Variants in PAK1 observed in about 807,000 individuals in gnomAD.
The protein encoded by PAK1 is p21 (RAC1) activated kinase 1, also known as serine/threonine-protein kinase PAK 1.
A neutral mutation model predicts 67.4 loss-of-function variants in PAK1; 29 were observed. The observed-to-expected ratio is 0.43, with a 90% CI of 0.32 to 0.59. PAK1 has a LOEUF of 0.59. Among genes scored for constraint, PAK1 ranks in the 20% least tolerant of loss-of-function variants. The pLI, the probability that PAK1 is intolerant of heterozygous loss-of-function variation, is 0.07. For synonymous variants in PAK1, 223 were observed against 237.4 expected, an observed-to-expected ratio of 0.94 and a Z score of 0.56; for missense variants, 337 against 670.7, an observed-to-expected ratio of 0.50 and a Z score of 5.50.
chr11:77,384,355 GTA>G (rs1950198099), intron 2 of PAK1, among the ~76,000 whole-genome samples: 1 of 152,168 alleles, frequency 6.6e-6, no homozygotes, highest in African/African-American at 2.4e-5. Flanking sequence ...CAGGGATATA[GTA>G]TCCCTGGGAC....
chr11:77,395,628 G>A (rs1176722261), intron 1 of PAK1, among the ~76,000 whole-genome samples: 1 of 151,756 alleles, frequency 6.6e-6, no homozygotes, highest in Non-Finnish European at 1.5e-5. Context: ...ACACCCCAAC[G>A]TGTTTCCTGT....
At chr11:77,486,756 G>T in the PAK1 span, among the ~76,000 whole-genome samples, 2 of 152,350 alleles carry the variant, frequency 1.3e-5, no homozygotes, top group East Asian at 3.9e-4. Context: ...ATTTAGACCA[G>T]CCCTATCTGG....
intron 8 of PAK1, among the ~76,000 whole-genome samples, chr11:77,351,060 T>C (rs187213941): frequency 1.9e-4 from 29 of 152,248 alleles, no homozygotes; most frequent in African/African-American, 7.0e-4. Flanking sequence ...ACATATGAAT[T>C]CCAAGTCCAA....
At position 77,337,281 on chromosome 11, in the gene PAK1, C is replaced by T. The variant is rs186177227; in HGVS notation, c.1216+43G>A. ...TGACCATCTCACAGGAGACAGGGCC[C>T]CACAGGCAGAGAAGTATTATCATTC... On this transcript the variant is annotated intron_variant, in intron 12 of 14. Coordinates refer to ENST00000356341, the MANE Select transcript of PAK1 (RefSeq NM_002576.5). 1.2e-3 allele frequency: 1,221 copies of T among 1,006,174 alleles called. 1 individual carries two copies. Among genetic ancestry groups the T allele is most frequent in the Admixed American group, 1.6e-3 (83 of 52,012 alleles). 62.3% of individuals were successfully genotyped at this position (1,006,174 alleles called of 1,614,324 possible). A position where few individuals can be genotyped will look rare whatever the true frequency, so the allele number is the denominator to read the frequency against.
the PAK1 span, among the ~76,000 whole-genome samples, chr11:77,482,201 C>T: frequency 6.6e-6 from 1 of 151,888 alleles, no homozygotes; most frequent in Admixed American, 6.6e-5. Context: ...ATTGGTCAGG[C>T]TGGTCTCGAA....
intron 1 of PAK1, among the ~76,000 whole-genome samples, chr11:77,454,181 T>C (rs1326796934): frequency 6.6e-6 from 1 of 152,206 alleles, no homozygotes; most frequent in Non-Finnish European, 1.5e-5. Context: ...CTTCCACATA[T>C]ATTTGTCCAT....
chr11:77,427,981 G>T (rs1447766106), intron 1 of PAK1, among the ~76,000 whole-genome samples: 1 of 152,162 alleles, frequency 6.6e-6, no homozygotes, highest in Non-Finnish European at 1.5e-5. Context: ...AAATGTACTG[G>T]GGTATGTCTA....
At chr11:77,456,764 C>T (rs1173611471) in intron 1 of PAK1, among the ~76,000 whole-genome samples, 3 of 150,778 alleles carry the variant, frequency 2.0e-5, no homozygotes, top group African/African-American at 7.3e-5. Flanking sequence ...TTTTTTCAGA[C>T]GGAGTCTCGC....
chr11:77,380,774 GCA>G (rs1399421841), intron 2 of PAK1, among the ~76,000 whole-genome samples: 1 of 152,174 alleles, frequency 6.6e-6, no homozygotes, highest in Non-Finnish European at 1.5e-5. Flanking sequence ...CCAGAGGCTA[GCA>G]CACACCTGGA....
chr11:77,376,691 C>G (rs764263314), intron 4 of PAK1, among the ~76,000 whole-genome samples: 1 of 147,482 alleles, frequency 6.8e-6, no homozygotes, highest in Admixed American at 6.9e-5. Context: ...GAGCCGAGAT[C>G]GCGCTGCTGC....
At chr11:77,332,654 C>T (rs1368405018) in intron 14 of PAK1, 76 bp downstream of exon 14, 1 of 1,210,304 alleles carries the variant, frequency 8.3e-7, no homozygotes, top group Non-Finnish European at 1.2e-6. Flanking sequence ...TATCCAGTAC[C>T]TTACAAACAT....
chr11:77,397,511 G>A (rs1951991116), intron 1 of PAK1, among the ~76,000 whole-genome samples: 2 of 152,194 alleles, frequency 1.3e-5, no homozygotes, highest in Admixed American at 1.3e-4. Context: ...GGCAACCAAG[G>A]AGGGGAAGTG....
chr11:77,496,510 A>G, the PAK1 span, among the ~76,000 whole-genome samples: 1 of 152,122 alleles, frequency 6.6e-6, no homozygotes, highest in Admixed American at 6.5e-5. Context: ...TTGTAGTCCC[A>G]GCTACCCAAG....
the PAK1 span, among the ~76,000 whole-genome samples, chr11:77,507,186 AG>A: frequency 6.6e-6 from 1 of 152,208 alleles, no homozygotes; most frequent in African/African-American, 2.4e-5. Flanking sequence ...TGGGGACCCT[AG>A]CCTTTAAAAG....
At chr11:77,345,861 T>G (rs929422696) in intron 9 of PAK1, among the ~76,000 whole-genome samples, 10 of 152,210 alleles carry the variant, frequency 6.6e-5, no homozygotes, top group Admixed American at 5.9e-4. Context: ...TCATGCCATC[T>G]TGGAGGATGG....
chr11:77,459,988 G>T (rs1229529962), intron 1 of PAK1, among the ~76,000 whole-genome samples: 1 of 152,178 alleles, frequency 6.6e-6, no homozygotes, highest in South Asian at 2.1e-4. Flanking sequence ...GAGCCACCGC[G>T]CCCGGCGTGG....
chr11:77,510,224 C>T, the PAK1 span, among the ~76,000 whole-genome samples: 1 of 152,218 alleles, frequency 6.6e-6, no homozygotes, highest in African/African-American at 2.4e-5. Context: ...TTGTGATTCA[C>T]TTATGACTTA....
intron 4 of PAK1, among the ~76,000 whole-genome samples, chr11:77,378,789 C>T (rs505841): frequency 0.38 from 57,046 of 151,926 alleles, 11,333 homozygotes; most frequent in African/African-American, 0.51. Context: ...GGTTTTGCCA[C>T]GTTGCCCAGA....
intron 4 of PAK1, among the ~76,000 whole-genome samples, chr11:77,374,640 G>T (rs1289749608): frequency 6.6e-6 from 1 of 152,112 alleles, no homozygotes; most frequent in Non-Finnish European, 1.5e-5. Context: ...CTTAGCAATG[G>T]GGTATGTTCT....
Sources: allele counts gnomAD v4.1 joint callset (sites outside exome capture counted in the v4.1 genomes callset), GRCh38; gene constraint gnomAD v4.1.1; transcripts MANE v1.5; gene names NCBI Gene and HGNC (gene_info 2026-07-23, HGNC 2026-07-21).